NFATC1: variants seen among roughly 807,000 people sequenced by gnomAD.
The protein encoded by NFATC1 is nuclear factor of activated T-cells, cytoplasmic 1.
NFATC1 carries 22 observed loss-of-function variants against 76.0 expected under a neutral mutation model. The ratio of observed to expected loss-of-function variants is 0.29; its 90% CI spans 0.21 to 0.41. NFATC1 has a LOEUF of 0.41. Ranked by LOEUF, NFATC1 falls within the 10% of genes least tolerant of loss-of-function variation. The pLI is 1.00. For synonymous variants in NFATC1, 704 were observed against 613.1 expected (o/e 1.15, Z -2.19); for missense variants, 1,357 against 1,337.7 (o/e 1.01, Z -0.23).
intron 1 of NFATC1, chr18:79,400,379 G>C: frequency 6.8e-7 from 1 of 1,475,118 alleles, no homozygotes; most frequent in Admixed American, 2.5e-5. Context: ...CCCCGGCCCC[G>C]GCCCGACCCG....
intron 2 of NFATC1, among the ~76,000 whole-genome samples, chr18:79,417,057 C>T (rs929864089): frequency 6.6e-6 from 1 of 152,162 alleles, no homozygotes; most frequent in African/African-American, 2.4e-5. Context: ...AGGTGACTCG[C>T]GCAAGCCAGA....
intron 1 of NFATC1, among the ~76,000 whole-genome samples, chr18:79,397,665 G>A (rs1169536569): frequency 6.6e-6 from 1 of 152,186 alleles, no homozygotes; most frequent in Non-Finnish European, 1.5e-5. Flanking sequence ...TGGAGTTTCG[G>A]TTTTAAATCC....
chr18:79,472,721 C>T (rs1468294303), intron 8 of NFATC1, among the ~76,000 whole-genome samples: 1 of 152,188 alleles, frequency 6.6e-6, no homozygotes, highest in Non-Finnish European at 1.5e-5. Flanking sequence ...ACCTGCCCAC[C>T]TCAGACACCC....
At chr18:79,441,838 C>G (rs375214492) in intron 3 of NFATC1, among the ~76,000 whole-genome samples, 2 of 152,166 alleles carry the variant, frequency 1.3e-5, no homozygotes, top group South Asian at 4.2e-4. Flanking sequence ...ATGATTCTCT[C>G]TCCATAGAAG....
At chr18:79,458,529 G>T (rs2087871102) in intron 6 of NFATC1, among the ~76,000 whole-genome samples, 1 of 152,230 alleles carries the variant, frequency 6.6e-6, no homozygotes, top group East Asian at 1.9e-4. Flanking sequence ...CCGCAGGCCT[G>T]CCTGTGTGGA....
At chr18:79,407,920 G>A (rs160087) in intron 1 of NFATC1, among the ~76,000 whole-genome samples, 13,846 of 152,224 alleles carry the variant, frequency 0.091, 650 homozygotes, top group Non-Finnish European at 0.1. Context: ...GACATCCTGA[G>A]CAGGTCTCAC....
intron 6 of NFATC1, among the ~76,000 whole-genome samples, chr18:79,455,626 T>A (rs1432433567): frequency 6.6e-6 from 1 of 151,312 alleles, no homozygotes; most frequent in Non-Finnish European, 1.5e-5. Context: ...TGGGAGCGAG[T>A]AGACAGAGCC....
intron 2 of NFATC1, among the ~76,000 whole-genome samples, chr18:79,431,495 C>T (rs2086586764): frequency 6.6e-6 from 1 of 151,930 alleles, no homozygotes. Flanking sequence ...CTGGGATCCT[C>T]CCCACTCAGC....
At chr18:79,483,592 GGC>G (rs2089390521) in intron 8 of NFATC1, among the ~76,000 whole-genome samples, 1 of 142,570 alleles carries the variant, frequency 7.0e-6, no homozygotes, top group Non-Finnish European at 1.5e-5. Context: ...TGGTTCCTGG[GGC>G]GTCACTCCGG....
intron 9 of NFATC1, among the ~76,000 whole-genome samples, chr18:79,505,642 T>C (rs550007115): frequency 4.8e-5 from 7 of 145,924 alleles, no homozygotes; most frequent in African/African-American, 1.9e-4. Flanking sequence ...GAGGAGGTGG[T>C]GGACGAGACC....
intron 9 of NFATC1, among the ~76,000 whole-genome samples, chr18:79,491,812 C>CT (rs1267651640): frequency 6.6e-6 from 1 of 152,112 alleles, no homozygotes; most frequent in East Asian, 1.9e-4. Flanking sequence ...CTGGGATGTC[C>CT]TCGTGGGGCC....
rs7233684 is a variant in NFATC1, at chr18:79,486,444, C to T, written c.2289C>T (p.Gly763=). 138,021 of 1,611,804 alleles carry T rather than the reference C, an allele frequency of 0.086. 6,822 individuals carry two copies. Among genetic ancestry groups the T allele is most frequent in the Admixed American group, 0.14 (8,206 of 60,018 alleles). The change falls in exon 9 of 10, where the codon GGC becomes GGT. Residue 763 remains glycine (G), a synonymous_variant. Transcript: ENST00000427363. The part of the protein sequence containing the change: ...QRSTLMPAAP[G]VSPKLHDLSP... The stretch of plus-strand genomic sequence containing the variant: ...GCACCCTGATGCCAGCGGCCCCTGG[C>T]GTGAGCCCCAAGCTCCACGACCTTT...
At chr18:79,454,103 G>A (rs138903602) in intron 6 of NFATC1, among the ~76,000 whole-genome samples, 8 of 152,334 alleles carry the variant, frequency 5.3e-5, no homozygotes, top group African/African-American at 1.9e-4. Flanking sequence ...AACCAGGGCC[G>A]GGTGTGAGCT....
chr18:79,511,011 G>A (rs114405561), intron 9 of NFATC1, among the ~76,000 whole-genome samples: 1,626 of 152,312 alleles, frequency 0.011, 27 homozygotes, highest in African/African-American at 0.033. Flanking sequence ...GGGAGTGGTC[G>A]CTGGCGAGGC....
At chr18:79,451,258 T>C in intron 5 of NFATC1, 132 bp downstream of exon 5, 2 of 1,163,440 alleles carry the variant, frequency 1.7e-6, no homozygotes, top group Non-Finnish European at 2.4e-6. Context: ...CACCACAGTG[T>C]GTGGCCACGA....
intron 3 of NFATC1, among the ~76,000 whole-genome samples, chr18:79,441,203 A>G (rs2086962483): frequency 6.6e-6 from 1 of 152,188 alleles, no homozygotes; most frequent in Non-Finnish European, 1.5e-5. Context: ...TGGGGAGTGC[A>G]GGGCTGTGGC....
At position 79,451,812 on chromosome 18, in the gene NFATC1, C is replaced by A; in HGVS notation, c.1899C>A (p.Ala633=). ...CCAAGGTCATTTTCGTGGAGAAAGC[C>A]CCAGGTATGCTCTTCACCAGGGGCC... ...QDSKVIFVEK[A]PDGHHVWEME... is the part of the protein sequence containing the mutation. The change falls in exon 6 of 10, where the codon GCC becomes GCA. Residue 633 remains alanine (A), a synonymous_variant. Transcript: ENST00000427363. The A allele has an allele frequency of 6.2e-7, 1 of 1,608,654 alleles. No individual in the cohort carries two copies. The highest frequency in any genetic ancestry group is 8.5e-7 in the Non-Finnish European group (1 of 1,177,356).
At chr18:79,463,895 G>GA (rs1354209025) in intron 7 of NFATC1, among the ~76,000 whole-genome samples, 3 of 152,250 alleles carry the variant, frequency 2.0e-5, no homozygotes, top group Non-Finnish European at 4.4e-5. Flanking sequence ...TAGGCAGGGA[G>GA]AGCAGCCAGG....
At chr18:79,467,883 C>CA (rs1335715004) in intron 8 of NFATC1, 3 of 1,184,870 alleles carry the variant, frequency 2.5e-6, no homozygotes, top group Admixed American at 8.9e-5. Context: ...TCTTCTGCTC[C>CA]AAAAAACTGA....
Sources: gnomAD v4.1 joint callset for allele counts (sites outside exome capture counted in the v4.1 genomes callset) on GRCh38, gnomAD v4.1.1 for gene constraint, MANE v1.5 for transcripts, NCBI Gene and HGNC (gene_info 2026-07-23, HGNC 2026-07-21) for gene names.